The following ELFN2 variants were observed in gnomAD, a reference collection of about 807,000 sequenced individuals.
The protein encoded by ELFN2 is extracellular leucine rich repeat and fibronectin type III domain containing 2, also known as protein phosphatase 1 regulatory subunit 29.
Under a neutral mutation model 45.5 loss-of-function variants are expected in ELFN2, and 17 were observed. That is an observed-to-expected ratio of 0.37 (90% CI 0.26 to 0.56). ELFN2 has a LOEUF of 0.56. ELFN2 is among the 20% of genes least tolerant of loss of function. The pLI, the probability that ELFN2 is intolerant of heterozygous loss-of-function variation, is 0.77. For synonymous variants in ELFN2, 550 were observed against 551.5 expected (o/e 1.00, Z 0.04); for missense variants, 922 against 1,183.2 (o/e 0.78, Z 3.24).
intron 1 of ELFN2, among the ~76,000 whole-genome samples, chr22:37,360,616 CTG>C (rs1931061941): frequency 1.3e-5 from 2 of 152,198 alleles, no homozygotes; most frequent in South Asian, 4.1e-4. Context: ...CAGGGTGAGA[CTG>C]AGGGGAGTCG....
intron 1 of ELFN2, among the ~76,000 whole-genome samples, chr22:37,419,328 T>C (rs578043942): frequency 1.3e-5 from 2 of 151,272 alleles, no homozygotes; most frequent in African/African-American, 4.9e-5. Context: ...GCACACACTA[T>C]ACCCTAACAC....
chr22:37,353,362 T>G (rs2145615526), intron 1 of ELFN2: 1 of 151,082 alleles, frequency 6.6e-6, no homozygotes, highest in East Asian at 1.9e-4. Context: ...CCTCCGGCTG[T>G]TTTTCAGCCT....
At position 37,349,368 on chromosome 22, in the gene ELFN2, G is replaced by T. The variant is rs535584315; in HGVS notation, n.149-6665C>A. On this transcript the variant is annotated intron_variant and non_coding_transcript_variant, in intron 1 of 2. Transcript: ENST00000452946. ...AGGCCCAGCCCTGGGGATCCACGGT[G>T]CCCCCGGCCCAGATTCCCTGCACCT... Among the ~76,000 whole-genome samples the T allele has an allele frequency of 4.4e-4, 67 of 151,300 alleles. 1 individual carries two copies. The highest frequency in any genetic ancestry group is 1.6e-3 in the African/African-American group (66 of 41,500).
At chr22:37,422,957 G>A (rs77965852) in intron 1 of ELFN2, among the ~76,000 whole-genome samples, 7 of 124,058 alleles carry the variant, frequency 5.6e-5, no homozygotes, top group East Asian at 5.3e-4. Context: ...GGGGGGGGGG[G>A]AAGTGACTTG....
rs879460925 is a variant in ELFN2 at position 37,369,729 on chromosome 22, CAG to C, written c.*3341_*3342del. The C allele has an allele frequency of 6.6e-6, 1 of 152,380 alleles. No individual in the cohort carries two copies. The highest frequency in any genetic ancestry group is 1.5e-5 in the Non-Finnish European group (1 of 68,178). The allele number at this position is 152,380 out of a possible 1,614,324, so 9.4% of individuals were successfully genotyped here. On this transcript the variant is annotated 3_prime_UTR_variant, in exon 3 of 3. Transcript: ENST00000402918. ...ATTCTCCAACAGAGGCAGGCAAGCCCAGGTGTGACCTTGTTCCGGCCCAAGGC... is the reference window on the plus strand; with the variant it reads ...ATTCTCCAACAGAGGCAGGCAAGCCCGTGTGACCTTGTTCCGGCCCAAGGC...
chr22:37,388,158 G>GCA (rs556243162), intron 2 of ELFN2, among the ~76,000 whole-genome samples: 32 of 152,114 alleles, frequency 2.1e-4, no homozygotes, highest in African/African-American at 7.5e-4. Context: ...CCTGAGCATG[G>GCA]CACTCCCTGC....
chr22:37,383,113 G>A (rs956278506), intron 2 of ELFN2, among the ~76,000 whole-genome samples: 1 of 152,124 alleles, frequency 6.6e-6, no homozygotes, highest in South Asian at 2.1e-4. Context: ...CAGCTGCCCG[G>A]GTCATGCTTG....
intron 2 of ELFN2, among the ~76,000 whole-genome samples, chr22:37,388,207 T>C (rs1292041612): frequency 6.6e-6 from 1 of 151,862 alleles, no homozygotes; most frequent in Non-Finnish European, 1.5e-5. Context: ...CTGGGAAAAT[T>C]CCAACAGCAT....
At chr22:37,356,356 C>G (rs1930949325) in intron 1 of ELFN2, among the ~76,000 whole-genome samples, 1 of 152,126 alleles carries the variant, frequency 6.6e-6, no homozygotes, top group South Asian at 2.1e-4. Flanking sequence ...CAGCCCCAGA[C>G]CCCGGGGAAG....
intron 1 of ELFN2, among the ~76,000 whole-genome samples, chr22:37,344,263 G>A (rs1930642252): frequency 9.4e-6 from 1 of 106,064 alleles, no homozygotes; most frequent in Non-Finnish European, 2.1e-5. Context: ...CACCTACAAC[G>A]CAATGGTGGC....
At chr22:37,365,472 T>C (rs1168639109), downstream of ELFN2, among the ~76,000 whole-genome samples, 5 of 151,652 alleles carry the variant, frequency 3.3e-5, no homozygotes, top group African/African-American at 1.2e-4. Context: ...GGGAAGAACA[T>C]CAAAGAAGCT....
At chr22:37,350,408 A>G (rs1251577718) in intron 1 of ELFN2, among the ~76,000 whole-genome samples, 3 of 150,514 alleles carry the variant, frequency 2.0e-5, no homozygotes, top group African/African-American at 7.3e-5. Flanking sequence ...GGGCGGCTGC[A>G]GGGGACTCGG....
intron 2 of ELFN2, among the ~76,000 whole-genome samples, chr22:37,380,959 C>T (rs978441193): frequency 2.0e-5 from 3 of 152,228 alleles, no homozygotes; most frequent in South Asian, 2.1e-4. Flanking sequence ...ATGGAACTAC[C>T]GTTCGGTAAG....
chr22:37,375,795 T>C lies in ELFN2; in HGVS notation c.-261A>G, dbSNP rs1931563453. 1 of 547,666 alleles carries C rather than the reference T, an allele frequency of 1.8e-6. No individual in the cohort carries two copies. Among genetic ancestry groups the C allele is most frequent in the Admixed American group, 3.6e-5 (1 of 27,774 alleles). 33.9% of individuals were successfully genotyped at this position (547,666 alleles called of 1,614,324 possible). ...CACCGCAGCGTTGCTCCTTGTCTCCTGCTAGGAAGGTGCAAGGGTTCTCAG... is the reference window on the plus strand; with the variant it reads ...CACCGCAGCGTTGCTCCTTGTCTCCCGCTAGGAAGGTGCAAGGGTTCTCAG... On this transcript the variant is annotated 5_prime_UTR_variant, in exon 3 of 3. Coordinates refer to ENST00000402918, the MANE Select transcript of ELFN2 (RefSeq NM_052906.5).
At chr22:37,404,373 G>A (rs779525497) in intron 2 of ELFN2, among the ~76,000 whole-genome samples, 1 of 152,264 alleles carries the variant, frequency 6.6e-6, no homozygotes, top group African/African-American at 2.4e-5. Flanking sequence ...CAGGCTTAGC[G>A]AAGAGAGTCG....
downstream of ELFN2, among the ~76,000 whole-genome samples, chr22:37,364,869 C>A (rs1931167638): frequency 6.6e-6 from 1 of 152,172 alleles, no homozygotes; most frequent in Admixed American, 6.5e-5. Flanking sequence ...GGCAGTTCAG[C>A]CTGAGGTCAC....
chr22:37,387,404 C>T (rs1441602485), intron 2 of ELFN2, among the ~76,000 whole-genome samples: 1 of 152,182 alleles, frequency 6.6e-6, no homozygotes, highest in African/African-American at 2.4e-5. Context: ...TTCTCTCTCC[C>T]TCACTTCAGC....
At chr22:37,364,619 A>C (rs1411881008), downstream of ELFN2, among the ~76,000 whole-genome samples, 1 of 152,224 alleles carries the variant, frequency 6.6e-6, no homozygotes, top group African/African-American at 2.4e-5. Context: ...GCTCCTGTAG[A>C]CACAGGCCAG....
At chr22:37,420,680 C>T (rs1048787572) in intron 1 of ELFN2, among the ~76,000 whole-genome samples, 5 of 151,732 alleles carry the variant, frequency 3.3e-5, no homozygotes, top group Admixed American at 6.6e-5. Flanking sequence ...GCCTCCGATT[C>T]CTCATCTGTG....
Sources: gnomAD v4.1 joint callset for allele counts (sites outside exome capture counted in the v4.1 genomes callset) on GRCh38, gnomAD v4.1.1 for gene constraint, MANE v1.5 for transcripts, NCBI Gene and HGNC (gene_info 2026-07-23, HGNC 2026-07-21) for gene names.